The following NSD3 variants were observed in gnomAD, a reference collection of about 807,000 sequenced individuals.
NSD3 encodes the protein nuclear receptor binding SET domain protein 3.
In NSD3, 24 loss-of-function variants were observed where a neutral mutation model predicts 160.8. That is an observed-to-expected ratio of 0.15 (90% CI 0.11 to 0.21). The LOEUF is 0.21. Among genes scored for constraint, NSD3 ranks in the 10% least tolerant of loss-of-function variants. The pLI is 1.00. For missense variants in NSD3, 1,157 were observed against 1,735.9 expected (o/e 0.67, Z 5.93); for synonymous variants, 520 against 600.0 (o/e 0.87, Z 1.95).
At chr8:38,325,207 G>A (rs1563355131) in intron 7 of NSD3, among the ~76,000 whole-genome samples, 1 of 152,314 alleles carries the variant, frequency 6.6e-6, no homozygotes, top group East Asian at 1.9e-4. Flanking sequence ...TAACCTGAGG[G>A]ATTGGACTCT....
Position 38,297,702 on chromosome 8 carries a change from G to A in NSD3, c.2758+1742C>T, listed in dbSNP as rs188074425. ...TCAATCATCAAGATTTTTTTTCTGG[G>A]ACTACATCTCAGTATAGATTAATTG... On this transcript the variant is annotated intron_variant, in intron 15 of 23. Coordinates refer to ENST00000317025, the MANE Select transcript of NSD3 (RefSeq NM_023034.2). Among the ~76,000 whole-genome samples the A allele has an allele frequency of 1.1e-4, 17 of 152,052 alleles. No individual in the cohort carries two copies. In the East Asian group the frequency reaches 3.3e-3, roughly 29 times the overall value.
intron 1 of NSD3, 192 bp downstream of exon 1, chr8:38,381,607 C>T (rs2936719): frequency 2.8e-5 from 4 of 144,452 alleles, no homozygotes; most frequent in African/African-American, 7.8e-5. Flanking sequence ...TCTGCTCCTC[C>T]GTCAGGACTC....
At chr8:38,305,111 TG>T in intron 13 of NSD3, 136 bp downstream of exon 13, 1 of 839,530 alleles carries the variant, frequency 1.2e-6, no homozygotes, top group Non-Finnish European at 1.8e-6. Context: ...GTACTGTGTA[TG>T]TACTGTGGCT....
rs1265903702 is a variant in NSD3 at position 38,271,381 on chromosome 8, A to G, written c.*4260T>C. On this transcript the variant is annotated 3_prime_UTR_variant, in exon 24 of 24. Coordinates refer to ENST00000317025, the MANE Select transcript of NSD3 (RefSeq NM_023034.2). ...CTCAATGTTAAAGTGACTATTTCGT[A>G]CCTGTGGTAAACATTATCCCCCCCC... is the stretch of plus-strand genomic sequence containing the variant. 6.6e-6 allele frequency: 1 copy of G among 152,050 alleles called. No homozygotes were observed. The highest frequency in any genetic ancestry group is 1.5e-5 in the Non-Finnish European group (1 of 67,994). The allele number at this position is 152,050 out of a possible 1,614,324, so 9.4% of individuals were successfully genotyped here.
rs1173745275 is a variant in NSD3, at chr8:38,329,842, C to T, written c.1117G>A (p.Ala373Thr). 6.2e-7 allele frequency: 1 copy of T among 1,611,630 alleles called. No individual in the cohort carries two copies. Among genetic ancestry groups the T allele is most frequent in the South Asian group, 1.1e-5 (1 of 91,006 alleles). The change falls in exon 6 of 24, where the codon GCC becomes ACC. Residue 373 changes from alanine (A) to threonine (T), a missense_variant. Physicochemically the swap from Ala to Thr is moderately conservative, Grantham distance 58. Around this residue, in one of 10 missense-constraint regions of NSD3, gnomAD observed 168 missense variants for 208.1 expected, o/e 0.81. Transcript: ENST00000317025. This position sits in a 1 kb window ranked among gnomAD's most constrained non-coding sequence, Gnocchi z 4.8. ...RERAQWDIGI[A>T]HAEKALKMTR... ...ATTTTCAATGCTTTCTCTGCATGGG[C>T]AATGCCAATATCCCACTGAGCACGT...
At position 38,276,285 on chromosome 8, in the gene NSD3, G is replaced by A; in HGVS notation, c.4072+11C>T. 1 of 1,613,590 alleles carries A rather than the reference G, an allele frequency of 6.2e-7. No homozygotes were observed. The highest frequency in any genetic ancestry group is 8.5e-7 in the Non-Finnish European group (1 of 1,179,770). On this transcript the variant is annotated intron_variant, in intron 23 of 23. Transcript: ENST00000317025. ...ACAAATTAGGGAAAGGGTCCTGAAG[G>A]TCCAGCTTACCATATGGTGGCTGAG...
chr8:38,344,060 C>A (rs945813942), intron 2 of NSD3, among the ~76,000 whole-genome samples: 1 of 152,152 alleles, frequency 6.6e-6, no homozygotes. Context: ...ACAGCTCATG[C>A]AGATTTTTAA....
chr8:38,307,135 A>AAAAAAAAAAT (rs1554524057), intron 12 of NSD3, among the ~76,000 whole-genome samples: 2 of 93,658 alleles, frequency 2.1e-5, no homozygotes, highest in African/African-American at 7.9e-5. Flanking sequence ...AAAATAAAAT[A>AAAAAAAAAAT]AAATAAATAA....
intron 18 of NSD3, among the ~76,000 whole-genome samples, chr8:38,289,050 T>A (rs555336237): frequency 1.3e-5 from 2 of 152,288 alleles, no homozygotes; most frequent in South Asian, 4.1e-4. Context: ...TTCTCTGAAA[T>A]AAAGGGAGTA....
intron 4 of NSD3, among the ~76,000 whole-genome samples, 182 bp downstream of exon 4, chr8:38,337,122 AC>A (rs1326556260): frequency 6.6e-6 from 1 of 151,676 alleles, no homozygotes; most frequent in Non-Finnish European, 1.5e-5. Context: ...AGCCTGGGCA[AC>A]AGAGCAAAAA....
chr8:38,308,941 T>C (rs775107701), intron 12 of NSD3, among the ~76,000 whole-genome samples: 1 of 152,148 alleles, frequency 6.6e-6, no homozygotes, highest in Non-Finnish European at 1.5e-5. Flanking sequence ...CCTTTAAGAC[T>C]TAGGTTAGAG....
chr8:38,316,530 T>C lies in NSD3; in HGVS notation c.1856-488A>G, dbSNP rs1809668150. 1 of 1,048,108 alleles carries C rather than the reference T, an allele frequency of 9.5e-7. No homozygotes were observed. The highest frequency in any genetic ancestry group is 4.6e-5 in the South Asian group (1 of 21,864). The allele number at this position is 1,048,108 out of a possible 1,614,324, so 64.9% of individuals were successfully genotyped here. ...GATAGTGCCATTTTCCCCCAAATTTTGCAATTCAGTTGATTATTGCCCCCC... is the reference window on the plus strand; with the variant it reads ...GATAGTGCCATTTTCCCCCAAATTTCGCAATTCAGTTGATTATTGCCCCCC... On this transcript the variant is annotated intron_variant, in intron 9 of 23. Coordinates refer to ENST00000317025, the MANE Select transcript of NSD3 (RefSeq NM_023034.2). The surrounding 1 kb of genome is among the most constrained non-coding windows in gnomAD (Gnocchi z 4.5).
intron 22 of NSD3, 117 bp downstream of exon 22, chr8:38,278,189 T>G (rs201680598): frequency 3.5e-5 from 25 of 717,572 alleles, no homozygotes; most frequent in Admixed American, 1.5e-4. Context: ...CTGCCCGCCT[T>G]GGCCTCCCAA....
At chr8:38,276,934 G>A (rs1270478616) in intron 22 of NSD3, among the ~76,000 whole-genome samples, 1 of 150,960 alleles carries the variant, frequency 6.6e-6, no homozygotes, top group Non-Finnish European at 1.5e-5. Context: ...GTGATCCTCC[G>A]CCTCAGCCTT....
At position 38,273,786 on chromosome 8, in the gene NSD3, C is replaced by T. The variant is rs1003311053; in HGVS notation, c.*1855G>A. ...CATGGATCGCATTTTCCATTTTGCTCTTTCTTTTGGGACCATATCTAATCA... is the reference window on the plus strand; with the variant it reads ...CATGGATCGCATTTTCCATTTTGCTTTTTCTTTTGGGACCATATCTAATCA... On this transcript the variant is annotated 3_prime_UTR_variant, in exon 24 of 24. Transcript: ENST00000317025. 2.0e-5 allele frequency: 3 copies of T among 152,246 alleles called. No individual in the cohort carries two copies. Among genetic ancestry groups the T allele is most frequent in the African/African-American group, 7.2e-5 (3 of 41,550 alleles). 9.4% of individuals were successfully genotyped at this position (152,246 alleles called of 1,614,324 possible). A position where few individuals can be genotyped will look rare whatever the true frequency, so the allele number is the denominator to read the frequency against.
Position 38,275,367 on chromosome 8 carries a change from T to C in NSD3, c.*274A>G. 8.5e-6 allele frequency: 3 copies of C among 351,474 alleles called. No individual in the cohort carries two copies. Among genetic ancestry groups the C allele is most frequent in the East Asian group, 4.4e-5 (1 of 22,974 alleles). 21.8% of individuals were successfully genotyped at this position (351,474 alleles called of 1,614,324 possible). On this transcript the variant is annotated 3_prime_UTR_variant, in exon 24 of 24. Transcript: ENST00000317025. Reference sequence around the variant, plus strand: ...TGTTCTTATTTTAACAGCAAAAACATTTCTTTTTCAAGCTGCAATGGCACT... The same window carrying C: ...TGTTCTTATTTTAACAGCAAAAACACTTCTTTTTCAAGCTGCAATGGCACT...
At chr8:38,299,625 T>A in intron 14 of NSD3, 35 bp from the exon 15 acceptor site, 2 of 1,489,664 alleles carry the variant, frequency 1.3e-6, no homozygotes, top group Middle Eastern at 1.8e-4. Context: ...TGAGCTGCAA[T>A]GAAACTACCC....
In NSD3 at chr8:38,304,617, T is replaced by C. The variant is rs1809352421; in HGVS notation, c.2581A>G (p.Asn861Asp). The C allele has an allele frequency of 1.2e-6, 2 of 1,613,080 alleles. No homozygotes were observed. The highest frequency in any genetic ancestry group is 1.3e-5 in the African/African-American group (1 of 74,998). ...GCACAAACGAAACAAAAGCCTACAT[T>C]TACAGCAGAAGAATTACTGCTCCGT... ...SKRSSNSSAVNVGFCFVCARG... is the reference protein window; with the variant it reads ...SKRSSNSSAVDVGFCFVCARG... The change falls in exon 14 of 24, where the codon AAT becomes GAT. Residue 861 changes from asparagine (N) to aspartate (D), a missense_variant. Asn to Asp is a conservative substitution (Grantham distance 23, BLOSUM62 1). Coordinates refer to ENST00000317025, the MANE Select transcript of NSD3 (RefSeq NM_023034.2).
Position 38,288,408 on chromosome 8 carries a change from C to T in NSD3, c.3501+79G>A. 1 of 1,525,340 alleles carries T rather than the reference C, an allele frequency of 6.6e-7. No homozygotes were observed. The highest frequency in any genetic ancestry group is 8.8e-7 in the Non-Finnish European group (1 of 1,134,318). The allele number at this position is 1,525,340 out of a possible 1,614,324, so 94.5% of individuals were successfully genotyped here. A position where few individuals can be genotyped will look rare whatever the true frequency, so the allele number is the denominator to read the frequency against. On this transcript the variant is annotated intron_variant, in intron 19 of 23. Transcript: ENST00000317025. The surrounding 1 kb of genome is among the most constrained non-coding windows in gnomAD (Gnocchi z 4.5). ...CCACAAATTCCTGCTGATTTTATCC[C>T]TAGAACTATACCCTACTGAAGCATT... is the stretch of plus-strand genomic sequence containing the variant.
Sources: allele counts gnomAD v4.1 joint callset (sites outside exome capture counted in the v4.1 genomes callset), GRCh38; gene constraint gnomAD v4.1.1; regional missense constraint gnomAD v4.1.1; non-coding constraint Gnocchi (gnomAD v3.1); transcripts MANE v1.5; gene names NCBI Gene and HGNC (gene_info 2026-07-23, HGNC 2026-07-21).